Variants in PXN observed in about 807,000 individuals in gnomAD.
The protein encoded by PXN is paxillin, also known as testicular tissue protein Li 134.
Under a neutral mutation model 103.6 loss-of-function variants are expected in PXN, and 61 were observed. That is an observed-to-expected ratio of 0.59 (90% CI 0.48 to 0.73). The LOEUF (loss-of-function observed/expected upper bound fraction) is 0.73, where lower values mean the gene tolerates loss of function less well. Among genes scored for constraint, PXN ranks in the 30% least tolerant of loss-of-function variants. The pLI is 0.00. For missense variants in PXN, 1,274 were observed against 1,460.3 expected (o/e 0.87, Z 2.08); for synonymous variants, 562 against 607.8 (o/e 0.92, Z 1.11).
chr12:120,219,852 C>A lies in PXN; in HGVS notation c.1071G>T (p.Met357Ile). 6.3e-7 allele frequency: 1 copy of A among 1,598,452 alleles called. No homozygotes were observed. The highest frequency in any genetic ancestry group is 2.2e-5 in the East Asian group (1 of 44,876). ...GAGACCTTGAGTTGAAGGTGTCAGG[C>A]ATCACCCCAAGACCAGCCAAATCAA... Reference protein sequence around the residue: ...SWLDLAGLGVMPDTFNSRSPS... With the variant: ...SWLDLAGLGVIPDTFNSRSPS... Residue 357 changes from methionine (M) to isoleucine (I), a missense_variant, in exon 7 of 15, where the codon ATG becomes ATT. Met to Ile is a conservative substitution (Grantham distance 10, BLOSUM62 1). Around this residue, in one of 2 missense-constraint regions of PXN, gnomAD observed 1,178 missense variants for 1,309.0 expected, o/e 0.90. Coordinates refer to ENST00000637617, the MANE Select transcript of PXN (RefSeq NM_001385981.1). The surrounding 1 kb of genome is among the most constrained non-coding windows in gnomAD (Gnocchi z 6.5).
chr12:120,225,844 A>G lies in PXN; in HGVS notation c.14-1467T>C, dbSNP rs1447498211. 1 of 161,078 alleles carries G rather than the reference A, an allele frequency of 6.2e-6. No homozygotes were observed. Among genetic ancestry groups the G allele is most frequent in the Non-Finnish European group, 1.3e-5 (1 of 74,584 alleles). The allele number at this position is 161,078 out of a possible 1,614,324, so 10.0% of individuals were successfully genotyped here. On this transcript the variant is annotated intron_variant, in intron 1 of 14. Transcript: ENST00000637617. The surrounding 1 kb of genome is among the most constrained non-coding windows in gnomAD (Gnocchi z 4.4). ...AGGCCCTCACCCAGGGCCTCGGTCT[A>G]TGGGGCCACACCTTGTCCCAGCTGC...
At chr12:120,237,586 T>C (rs1043137531) in intron 1 of PXN, among the ~76,000 whole-genome samples, 2 of 152,062 alleles carry the variant, frequency 1.3e-5, no homozygotes, top group African/African-American at 2.4e-5. Flanking sequence ...ACCACTATCA[T>C]AGATGGTCAC....
intron 1 of PXN, among the ~76,000 whole-genome samples, chr12:120,244,082 C>T (rs1890626862): frequency 6.6e-6 from 1 of 151,156 alleles, no homozygotes; most frequent in Admixed American, 6.6e-5. Flanking sequence ...TCACTGTATG[C>T]AAAGCCCGGT....
chr12:120,255,199 A>G (rs1202238049), intron 1 of PXN, among the ~76,000 whole-genome samples: 1 of 152,236 alleles, frequency 6.6e-6, no homozygotes, highest in Admixed American at 6.5e-5. Flanking sequence ...TTGAAAAACA[A>G]GGAGTTCAGA....
rs1428309830 is a variant in PXN, at chr12:120,219,720, G to A, written c.1203C>T (p.His401=). The change falls in exon 7 of 15, where the codon CAC becomes CAT. Residue 401 remains histidine (H), a synonymous_variant. Coordinates refer to ENST00000637617, the MANE Select transcript of PXN (RefSeq NM_001385981.1). The surrounding 1 kb of genome is among the most constrained non-coding windows in gnomAD (Gnocchi z 6.5). ...CTGTGCTCCCAGCACAGGGTACAGTGTGGCAGCGGGGAGCCCCAGAGAGCT... is the reference window on the plus strand; with the variant it reads ...CTGTGCTCCCAGCACAGGGTACAGTATGGCAGCGGGGAGCCCCAGAGAGCT... ...TSELSGAPRC[H]TVPCAGSTAL... 1.9e-6 allele frequency: 3 copies of A among 1,595,714 alleles called. No homozygotes were observed. Among genetic ancestry groups the A allele is most frequent in the East Asian group, 2.2e-5 (1 of 44,776 alleles).
chr12:120,220,003 G>A lies in PXN; in HGVS notation c.920C>T (p.Pro307Leu). The A allele has an allele frequency of 6.3e-7, 1 of 1,577,144 alleles. No homozygotes were observed. Residue 307 changes from proline (P) to leucine (L), a missense_variant, in exon 7 of 15, where the codon CCC (proline) becomes CTC (leucine). By Grantham distance (98) the Pro-to-Leu change is moderately conservative. This residue lies in a region of PXN where 1,178 missense variants were observed against 1,309.0 expected (regional missense o/e 0.90). Transcript: ENST00000637617. This position sits in a 1 kb window ranked among gnomAD's most constrained non-coding sequence, Gnocchi z 6.1. Reference sequence around the variant, plus strand: ...GGGTGGCAGAAATACAGATGGCATGGGAGGAGGAGAAGGAGGAAGGGAGCA... The same window carrying A: ...GGGTGGCAGAAATACAGATGGCATGAGAGGAGGAGAAGGAGGAAGGGAGCA... ...SYCSLPPSPP[P>L]MPSVFLPPTT...
Position 120,216,586 on chromosome 12 carries a change from G to A in PXN, c.1993-5C>T, listed in dbSNP as rs1883095925. On this transcript the variant is annotated splice_polypyrimidine_tract_variant and splice_region_variant and intron_variant, in intron 8 of 14. Coordinates refer to ENST00000637617, the MANE Select transcript of PXN (RefSeq NM_001385981.1). This position sits in a 1 kb window ranked among gnomAD's most constrained non-coding sequence, Gnocchi z 5.1. ...AGAGCCAGGAGGGAAGACAACCTGGGGAGAAGAAAGGAGGGAGAGCGATGA... is the reference window on the plus strand; with the variant it reads ...AGAGCCAGGAGGGAAGACAACCTGGAGAGAAGAAAGGAGGGAGAGCGATGA... 2 of 1,451,472 alleles carry A rather than the reference G, an allele frequency of 1.4e-6. No individual in the cohort carries two copies. Among genetic ancestry groups the A allele is most frequent in the South Asian group, 2.7e-5 (2 of 73,120 alleles). 89.9% of individuals were successfully genotyped at this position (1,451,472 alleles called of 1,614,324 possible).
chr12:120,214,345 G>T lies in PXN; in HGVS notation c.2749-128C>A, dbSNP rs945270922. On this transcript the variant is annotated intron_variant, in intron 12 of 14. Transcript: ENST00000637617. This position sits in a 1 kb window ranked among gnomAD's most constrained non-coding sequence, Gnocchi z 5.0. Reference sequence around the variant, plus strand: ...AGAGCAAAACACTCCCAAGATGGGGGTCTCTCCTAATTGTGCTGTGAATGC... The same window carrying T: ...AGAGCAAAACACTCCCAAGATGGGGTTCTCTCCTAATTGTGCTGTGAATGC... 1.5e-5 allele frequency: 12 copies of T among 786,408 alleles called. No individual in the cohort carries two copies. Among genetic ancestry groups the T allele is most frequent in the Non-Finnish European group, 2.3e-5 (11 of 477,162 alleles). 48.7% of individuals were successfully genotyped at this position (786,408 alleles called of 1,614,324 possible).
chr12:120,217,025 G>A lies in PXN; in HGVS notation c.1808C>T (p.Thr603Ile). Residue 603 changes from threonine (T) to isoleucine (I), a missense_variant, in exon 8 of 15, where the codon ACC becomes ATC. This residue lies in a region of PXN where 1,178 missense variants were observed against 1,309.0 expected (regional missense o/e 0.90). Coordinates refer to ENST00000637617, the MANE Select transcript of PXN (RefSeq NM_001385981.1). The surrounding 1 kb of genome is among the most constrained non-coding windows in gnomAD (Gnocchi z 4.1). ...PSPRRRLDPA[T>I]LSRTPSQEQL... ...TTCCTGGGATGGGGTCCTGCTCAAG[G>A]TGGCAGGGTCCAGCCGGCGGCGAGG... 2 of 1,582,350 alleles carry A rather than the reference G, an allele frequency of 1.3e-6. No homozygotes were observed. The highest frequency in any genetic ancestry group is 1.1e-5 in the South Asian group (1 of 88,118).
intron 1 of PXN, among the ~76,000 whole-genome samples, chr12:120,253,652 G>A (rs1196286772): frequency 6.6e-6 from 1 of 152,046 alleles, no homozygotes; most frequent in African/African-American, 2.4e-5. Flanking sequence ...CTACCTCAAA[G>A]GGTGGCTATC....
At chr12:120,238,462 C>G (rs951041559) in intron 1 of PXN, among the ~76,000 whole-genome samples, 5 of 152,212 alleles carry the variant, frequency 3.3e-5, no homozygotes, top group African/African-American at 1.2e-4. Flanking sequence ...CCATGCCCAG[C>G]TGGCTATGCC....
rs937685091 is a variant in PXN, at chr12:120,220,232, G to A, written c.832-141C>T. 6.1e-5 allele frequency: 27 copies of A among 442,804 alleles called. No homozygotes were observed. Among genetic ancestry groups the A allele is most frequent in the Non-Finnish European group, 4.0e-6 (1 of 251,210 alleles). 27.4% of individuals were successfully genotyped at this position (442,804 alleles called of 1,614,324 possible). A position where few individuals can be genotyped will look rare whatever the true frequency, so the allele number is the denominator to read the frequency against. On this transcript the variant is annotated intron_variant, in intron 6 of 14. Coordinates refer to ENST00000637617, the MANE Select transcript of PXN (RefSeq NM_001385981.1). The surrounding 1 kb of genome is among the most constrained non-coding windows in gnomAD (Gnocchi z 6.1). ...CTGACGCACAGGACTGACCCTTGAA[G>A]GAGACCCAGACCCCAAAAAAGCTTC... is the stretch of plus-strand genomic sequence containing the variant.
At chr12:120,243,204 T>C (rs1890460301) in intron 1 of PXN, among the ~76,000 whole-genome samples, 1 of 152,190 alleles carries the variant, frequency 6.6e-6, no homozygotes, top group Admixed American at 6.5e-5. Context: ...TTCTAATCCC[T>C]TGAGACTCAT....
At chr12:120,236,082 T>A (rs1359204981) in intron 1 of PXN, among the ~76,000 whole-genome samples, 1 of 152,196 alleles carries the variant, frequency 6.6e-6, no homozygotes, top group African/African-American at 2.4e-5. Flanking sequence ...CAAGCACTTT[T>A]CCCACTGAGC....
rs748936260 is a variant in PXN at position 120,212,422 on chromosome 12, G to A, written c.3138C>T (p.Pro1046=). The change falls in exon 15 of 15, where the codon CCC becomes CCT. Residue 1046 remains proline (P), a synonymous_variant. Coordinates refer to ENST00000637617, the MANE Select transcript of PXN (RefSeq NM_001385981.1). This position sits in a 1 kb window ranked among gnomAD's most constrained non-coding sequence, Gnocchi z 7.2. ...CITAMAKKFH[P]EHFVCAFCLK... ...GGCAGAAGGCACAGACGAAGTGCTCGGGGTGGAACTTCTTGGCCATGGCGG... is the reference window on the plus strand; with the variant it reads ...GGCAGAAGGCACAGACGAAGTGCTCAGGGTGGAACTTCTTGGCCATGGCGG... 1.5e-5 allele frequency: 25 copies of A among 1,613,884 alleles called. No homozygotes were observed. Among genetic ancestry groups the A allele is most frequent in the East Asian group, 2.2e-5 (1 of 44,886 alleles).
At chr12:120,227,877 T>G (rs1887213356) in intron 1 of PXN, among the ~76,000 whole-genome samples, 1 of 152,178 alleles carries the variant, frequency 6.6e-6, no homozygotes, top group Non-Finnish European at 1.5e-5. Context: ...AGAGTCCCCT[T>G]GCAAGCTCAG....
At chr12:120,260,920 CAAAA>C (rs34042508) in intron 1 of PXN, among the ~76,000 whole-genome samples, 1 of 151,610 alleles carries the variant, frequency 6.6e-6, no homozygotes, top group Non-Finnish European at 1.5e-5. Flanking sequence ...ACCCTGTCTC[CAAAA>C]AAAAGTGTAC....
Position 120,216,591 on chromosome 12 carries a change from AGAAAG to A in PXN, c.1993-15_1993-11del. ...CAGGAGGGAAGACAACCTGGGGAGA[AGAAAG>A]GAGGGAGAGCGATGAGGAAGAAATC... On this transcript the variant is annotated splice_polypyrimidine_tract_variant and intron_variant, in intron 8 of 14. Coordinates refer to ENST00000637617, the MANE Select transcript of PXN (RefSeq NM_001385981.1). This position sits in a 1 kb window ranked among gnomAD's most constrained non-coding sequence, Gnocchi z 5.1. 1 of 1,459,196 alleles carries A rather than the reference AGAAAG, an allele frequency of 6.9e-7. No homozygotes were observed. Among genetic ancestry groups the A allele is most frequent in the Non-Finnish European group, 8.9e-7 (1 of 1,117,606 alleles). The allele number at this position is 1,459,196 out of a possible 1,614,324, so 90.4% of individuals were successfully genotyped here. A position where few individuals can be genotyped will look rare whatever the true frequency, so the allele number is the denominator to read the frequency against.
At position 120,212,619 on chromosome 12, in the gene PXN, G is replaced by C. The variant is rs969595152; in HGVS notation, c.2980-39C>G. The C allele has an allele frequency of 3.8e-6, 6 of 1,591,432 alleles. No homozygotes were observed. The highest frequency in any genetic ancestry group is 5.1e-6 in the Non-Finnish European group (6 of 1,169,002). On this transcript the variant is annotated intron_variant, in intron 14 of 14. Coordinates refer to ENST00000637617, the MANE Select transcript of PXN (RefSeq NM_001385981.1). This position sits in a 1 kb window ranked among gnomAD's most constrained non-coding sequence, Gnocchi z 7.2. ...AGAGGGGCTCAGGGAGCTGCCCCTC[G>C]GGCTAGAGCTGCACCCTGTGTGATG...
Sources: allele counts gnomAD v4.1 joint callset (sites outside exome capture counted in the v4.1 genomes callset), GRCh38; gene constraint gnomAD v4.1.1; regional missense constraint gnomAD v4.1.1; non-coding constraint Gnocchi (gnomAD v3.1); transcripts MANE v1.5; gene names NCBI Gene and HGNC (gene_info 2026-07-23, HGNC 2026-07-21).